The following RPS6KA3 variants were observed in gnomAD, a reference collection of about 807,000 sequenced individuals.
The protein encoded by RPS6KA3 is ribosomal protein S6 kinase A3, also known as ribosomal protein S6 kinase alpha-3.
In RPS6KA3, 4 loss-of-function variants were observed where a neutral mutation model predicts 67.2. That is an observed-to-expected ratio of 0.06 (90% confidence interval 0.03 to 0.14). The LOEUF (loss-of-function observed/expected upper bound fraction) is 0.14, where lower values mean the gene tolerates loss of function less well. Ranked by LOEUF, RPS6KA3 falls within the 10% of genes least tolerant of loss-of-function variation. RPS6KA3 has a pLI of 1.00. For synonymous variants in RPS6KA3, 182 were observed against 183.7 expected, an observed-to-expected ratio of 0.99 and a Z score of 0.07; for missense variants, 204 against 559.0, an observed-to-expected ratio of 0.36 and a Z score of 6.40.
At chrX:20,167,109 G>A (rs1336337754) in intron 17 of RPS6KA3, among the ~76,000 whole-genome samples, 2 of 111,941 alleles carry the variant, frequency 1.8e-5, no homozygotes, top group East Asian at 2.8e-4. Context: ...ACAGGCATAA[G>A]CTACCGTGCC....
chrX:20,215,212 AGT>A (rs573108148), intron 2 of RPS6KA3, among the ~76,000 whole-genome samples: 28 of 105,552 alleles, frequency 2.7e-4, no homozygotes, highest in African/African-American at 6.6e-4. Flanking sequence ...TCCTTTTCTT[AGT>A]GTGTGTGTGT....
At chrX:20,176,924 C>A in intron 11 of RPS6KA3, 72 bp downstream of exon 11, 1 of 800,241 alleles carries the variant, frequency 1.2e-6, no homozygotes, top group Non-Finnish European at 1.9e-6. Context: ...CACCACAAAA[C>A]AAATATCTAC....
intron 1 of RPS6KA3, among the ~76,000 whole-genome samples, chrX:20,245,414 C>T (rs969484857): frequency 1.8e-5 from 2 of 111,591 alleles, no homozygotes; most frequent in Non-Finnish European, 3.8e-5. Context: ...TGCTTTTGTT[C>T]CCCAATGTAA....
chrX:20,237,976 G>A (rs774855408), intron 1 of RPS6KA3, among the ~76,000 whole-genome samples: 1 of 111,296 alleles, frequency 9.0e-6, no homozygotes, highest in Non-Finnish European at 1.9e-5. Context: ...CCTCAGCTGT[G>A]AATTCTCTTT....
At position 20,157,451 on chromosome X, in the gene RPS6KA3, G is replaced by A. The variant is rs767540524; in HGVS notation, c.1960-1202C>T. On this transcript the variant is annotated intron_variant, in intron 20 of 21. Coordinates refer to ENST00000379565, the MANE Select transcript of RPS6KA3 (RefSeq NM_004586.3). ...CAGGAAGTCAAGGCTGCAGTGAGCCGTGATTGAACCACTGTACTCTAGTCT... is the reference window on the plus strand; with the variant it reads ...CAGGAAGTCAAGGCTGCAGTGAGCCATGATTGAACCACTGTACTCTAGTCT... 4.9e-5 allele frequency among the ~76,000 whole-genome samples: 5 copies of A among 101,549 alleles called. No individual in the cohort carries two copies. In the South Asian group the frequency reaches 1.9e-3, roughly 39 times the overall value. The allele number at this position is 101,549 out of a possible 115,157, so 88.2% of individuals were successfully genotyped here.
chrX:20,240,310 T>G (rs1288406633), intron 1 of RPS6KA3, among the ~76,000 whole-genome samples: 1 of 98,002 alleles, frequency 1.0e-5, no homozygotes, highest in Non-Finnish European at 2.1e-5. Flanking sequence ...TTTTTTTTTT[T>G]TTTACCACCC....
At chrX:20,258,597 A>G (rs2070136721) in intron 1 of RPS6KA3, among the ~76,000 whole-genome samples, 1 of 112,189 alleles carries the variant, frequency 8.9e-6, no homozygotes, top group Non-Finnish European at 1.9e-5. Context: ...AGCTCACAGA[A>G]ATCTAAATGA....
intron 4 of RPS6KA3, among the ~76,000 whole-genome samples, chrX:20,200,672 G>A (rs779899405): frequency 9.1e-6 from 1 of 109,997 alleles, no homozygotes; most frequent in South Asian, 3.9e-4. Flanking sequence ...ATTTTATAAC[G>A]TTTCTCTATT....
At chrX:20,207,504 G>A (rs1405750818) in intron 3 of RPS6KA3, among the ~76,000 whole-genome samples, 1 of 111,890 alleles carries the variant, frequency 8.9e-6, no homozygotes, top group African/African-American at 3.2e-5. Flanking sequence ...TATGTCAGCT[G>A]TATGTGAGTT....
rs771509997 is a variant in RPS6KA3, at chrX:20,247,877, A to C, written c.70-13063T>G. 1.8e-3 allele frequency among the ~76,000 whole-genome samples: 199 copies of C among 112,132 alleles called. 1 individual carries two copies. Among genetic ancestry groups the C allele is most frequent in the African/African-American group, 6.3e-3 (194 of 30,975 alleles). On this transcript the variant is annotated intron_variant, in intron 1 of 21. Transcript: ENST00000379565. ...TCAAATCTTAAAAAAATAAAAAACA[A>C]AAAAAACCTTCAAATCCTATTGAAA... is the stretch of plus-strand genomic sequence containing the variant.
chrX:20,162,842 G>A (rs1208235799), intron 19 of RPS6KA3, 122 bp downstream of exon 19: 2 of 555,346 alleles, frequency 3.6e-6, no homozygotes, highest in African/African-American at 4.6e-5. Context: ...GTGAGACCCT[G>A]TCTCTAAAGA....
At chrX:20,157,337 A>T (rs762033629) in intron 20 of RPS6KA3, among the ~76,000 whole-genome samples, 1,156 of 38,473 alleles carry the variant, frequency 0.03, 6 homozygotes, top group South Asian at 0.059. Context: ...TCCTGTATCT[A>T]CAATTTTTTT....
chrX:20,183,416 C>T (rs1189302065), intron 10 of RPS6KA3, among the ~76,000 whole-genome samples: 2 of 111,018 alleles, frequency 1.8e-5, no homozygotes, highest in South Asian at 3.8e-4. Context: ...GATCCTCCCA[C>T]CTCAGCCTCC....
intron 2 of RPS6KA3, among the ~76,000 whole-genome samples, chrX:20,232,248 T>A (rs1487825386): frequency 9.1e-6 from 1 of 109,748 alleles, no homozygotes; most frequent in Non-Finnish European, 1.9e-5. Context: ...AACCAAAGCA[T>A]GAAACCCAGA....
At chrX:20,251,410 G>A (rs757526296) in intron 1 of RPS6KA3, among the ~76,000 whole-genome samples, 1 of 113,021 alleles carries the variant, frequency 8.8e-6, no homozygotes, top group East Asian at 2.8e-4. Context: ...CCAAAGTGCT[G>A]GGATTATAGG....
intron 1 of RPS6KA3, chrX:20,265,632 G>C (rs1283698467): frequency 8.9e-6 from 1 of 112,086 alleles, no homozygotes; most frequent in Non-Finnish European, 1.9e-5. Flanking sequence ...TTCCACTCCG[G>C]AGAGGAGCGG....
chrX:20,263,340 T>A (rs1308743271), intron 1 of RPS6KA3, among the ~76,000 whole-genome samples: 1 of 112,250 alleles, frequency 8.9e-6, no homozygotes, highest in Non-Finnish European at 1.9e-5. Context: ...CTATCCATCC[T>A]CTAAACAGTC....
chrX:20,256,508 C>T (rs1190329387), intron 1 of RPS6KA3, among the ~76,000 whole-genome samples: 1 of 111,572 alleles, frequency 9.0e-6, no homozygotes, highest in Non-Finnish European at 1.9e-5. Context: ...TCTAGGCAGG[C>T]CCCCCTTTTT....
chrX:20,162,290 C>T (rs1336339124), intron 19 of RPS6KA3, among the ~76,000 whole-genome samples: 1 of 102,419 alleles, frequency 9.8e-6, no homozygotes, highest in Non-Finnish European at 2.0e-5. Flanking sequence ...GAGCCGAGAT[C>T]GTGCTACTGC....
Sources: gnomAD v4.1 joint callset for allele counts (sites outside exome capture counted in the v4.1 genomes callset) on GRCh38, gnomAD v4.1.1 for gene constraint, MANE v1.5 for transcripts, NCBI Gene and HGNC (gene_info 2026-07-23, HGNC 2026-07-21) for gene names.